PTPN13: variants seen among roughly 807,000 people sequenced by gnomAD.
The protein encoded by PTPN13 is protein tyrosine phosphatase non-receptor type 13, also known as tyrosine-protein phosphatase non-receptor type 13.
PTPN13 carries 191 observed loss-of-function variants against 284.0 expected under a neutral mutation model. The ratio of observed to expected loss-of-function variants is 0.67; its 90% CI spans 0.60 to 0.76. The LOEUF (loss-of-function observed/expected upper bound fraction) is 0.76. PTPN13 is among the 30% of genes least tolerant of loss of function. The probability of loss-of-function intolerance (pLI) is 0.00; values close to 1 mark genes in which losing one functional copy is unlikely to be tolerated. For missense variants in PTPN13, 2,797 were observed against 2,939.9 expected (o/e 0.95, Z 1.12); for synonymous variants, 986 against 1,022.3 (o/e 0.96, Z 0.68).
intron 47 of PTPN13, among the ~76,000 whole-genome samples, chr4:86,814,211 TG>T (rs1745552483): frequency 6.6e-6 from 1 of 151,642 alleles, no homozygotes; most frequent in Non-Finnish European, 1.5e-5. Flanking sequence ...TTCACCATGT[TG>T]GCCAGGATGG....
At chr4:86,772,666 T>C in intron 31 of PTPN13, 112 bp from the exon 32 acceptor site, 1 of 842,320 alleles carries the variant, frequency 1.2e-6, no homozygotes, top group Non-Finnish European at 1.8e-6. Flanking sequence ...AACTAGGATC[T>C]CAATCAAAAT....
intron 1 of PTPN13, among the ~76,000 whole-genome samples, chr4:86,616,252 T>C (rs939678134): frequency 1.5e-4 from 23 of 152,190 alleles, no homozygotes; most frequent in African/African-American, 5.3e-4. Context: ...TAAAGTGTTA[T>C]AAATGTCATG....
intron 7 of PTPN13, among the ~76,000 whole-genome samples, chr4:86,710,250 C>T (rs1002995242): frequency 1.3e-5 from 2 of 152,130 alleles, no homozygotes; most frequent in Non-Finnish European, 2.9e-5. Context: ...ACTACAAAAG[C>T]AGTCATTTTA....
At chr4:86,631,325 A>T (rs2148706121) in intron 1 of PTPN13, among the ~76,000 whole-genome samples, 1 of 151,500 alleles carries the variant, frequency 6.6e-6, no homozygotes, top group African/African-American at 2.4e-5. Context: ...CATTTCTTTC[A>T]TTCCCTTGTT....
At position 86,732,626 on chromosome 4, in the gene PTPN13, A is replaced by G; in HGVS notation, c.1718A>G (p.Lys573Arg). 6.2e-7 allele frequency: 1 copy of G among 1,613,558 alleles called. No individual in the cohort carries two copies. Among genetic ancestry groups the G allele is most frequent in the Non-Finnish European group, 8.5e-7 (1 of 1,179,640 alleles). ...GGGAAGAATGAGGATAACCGAAGGA[A>G]AGTAAACATAATGCTTCTGAACGGG... ...KKGKNEDNRR[K>R]VNIMLLNGQR... is the part of the protein sequence containing the mutation. The change falls in exon 12 of 48, where the codon AAA becomes AGA. Residue 573 changes from lysine to arginine, a missense_variant. Physicochemically the swap from Lys to Arg is conservative, Grantham distance 26. Coordinates refer to ENST00000411767, the MANE Select transcript of PTPN13 (RefSeq NM_080683.3).
chr4:86,631,213 T>C (rs920605662), intron 1 of PTPN13, among the ~76,000 whole-genome samples: 8 of 152,154 alleles, frequency 5.3e-5, no homozygotes, highest in African/African-American at 1.9e-4. Context: ...CAATAGGCTT[T>C]AAAAAATTTT....
chr4:86,732,444 T>G lies in PTPN13; in HGVS notation c.1653T>G (p.Phe551Leu), dbSNP rs1302357048. ...TTGTGAAAATGACAATTGAACCATT[T>G]ATATCTTTGGATTTGCCACGGTCTA... is the stretch of plus-strand genomic sequence containing the variant. ...PEFVKMTIEPFISLDLPRSIL... is the reference protein window; with the variant it reads ...PEFVKMTIEPLISLDLPRSIL... Residue 551 changes from phenylalanine (F) to leucine (L), a missense_variant, in exon 11 of 48, where the codon TTT (phenylalanine) becomes TTG (leucine). Transcript: ENST00000411767. 6.2e-7 allele frequency: 1 copy of G among 1,602,426 alleles called. No individual in the cohort carries two copies. Among genetic ancestry groups the G allele is most frequent in the African/African-American group, 1.3e-5 (1 of 74,798 alleles).
intron 1 of PTPN13, among the ~76,000 whole-genome samples, chr4:86,599,862 A>G (rs1260095457): frequency 1.3e-5 from 2 of 152,106 alleles, no homozygotes; most frequent in Non-Finnish European, 2.9e-5. Context: ...TTTATTACTT[A>G]TATCAGTATG....
rs552135125 is a variant in PTPN13 at position 86,766,568 on chromosome 4, A to G, written c.4329+51A>G. On this transcript the variant is annotated intron_variant, in intron 27 of 47. Coordinates refer to ENST00000411767, the MANE Select transcript of PTPN13 (RefSeq NM_080683.3). ...TACAGTACCTTAGAAGAGCAAAACA[A>G]TGTGTGAATAACATCAGTTCTCATT... 525 of 1,285,340 alleles carry G rather than the reference A, an allele frequency of 4.1e-4. 6 individuals carry two copies. The South Asian group carries it at 6.7e-3, about 16-fold the overall frequency. The allele number at this position is 1,285,340 out of a possible 1,614,324, so 79.6% of individuals were successfully genotyped here. A position where few individuals can be genotyped will look rare whatever the true frequency, so the allele number is the denominator to read the frequency against.
rs1744529371 is a variant in PTPN13, at chr4:86,805,302, G to A, written c.6678G>A (p.Leu2226=). 5.0e-6 allele frequency: 8 copies of A among 1,595,364 alleles called. No homozygotes were observed. The East Asian group carries it at 6.7e-5, about 13-fold the overall frequency. ...AGAATCTTCAAGAATTAAAACCTTT[G>A]GATCAGTGTCTAATTGGGCAAACTA... ...ELENLQELKP[L]DQCLIGQTKE... The change falls in exon 44 of 48, where the codon TTG becomes TTA. Residue 2226 remains leucine, a synonymous_variant. Coordinates refer to ENST00000411767, the MANE Select transcript of PTPN13 (RefSeq NM_080683.3).
intron 2 of PTPN13, among the ~76,000 whole-genome samples, chr4:86,670,241 T>C (rs1727589110): frequency 7.3e-6 from 1 of 136,234 alleles, no homozygotes; most frequent in African/African-American, 2.8e-5. Flanking sequence ...GGCCAGCAAC[T>C]CCCAAAATAT....
Position 86,612,565 on chromosome 4 carries a change from C to T in PTPN13, c.-6+17776C>T, listed in dbSNP as rs536934074. Among the ~76,000 whole-genome samples the T allele has an allele frequency of 5.9e-5, 9 of 152,216 alleles. No individual in the cohort carries two copies. In the East Asian group the frequency reaches 1.7e-3, roughly 29 times the overall value. ...ATTTGATGAAAACTATAAACCCACA[C>T]CTTCGGAATCTCCGTGAACACAAAG... is the stretch of plus-strand genomic sequence containing the variant. On this transcript the variant is annotated intron_variant, in intron 1 of 47. Coordinates refer to ENST00000411767, the MANE Select transcript of PTPN13 (RefSeq NM_080683.3).
intron 30 of PTPN13, 95 bp downstream of exon 30, chr4:86,770,294 T>TG: frequency 1.7e-6 from 2 of 1,175,294 alleles, no homozygotes; most frequent in Admixed American, 2.0e-5. Flanking sequence ...ATTGTTCTCC[T>TG]GGGTTTCATA....
chr4:86,723,601 T>C (rs900063233), intron 10 of PTPN13, among the ~76,000 whole-genome samples: 4 of 152,198 alleles, frequency 2.6e-5, no homozygotes, highest in Admixed American at 1.3e-4. Flanking sequence ...AAATAGTCAA[T>C]TCAAAGGCAG....
chr4:86,745,947 G>C (rs953777319), intron 17 of PTPN13, among the ~76,000 whole-genome samples: 1 of 152,130 alleles, frequency 6.6e-6, no homozygotes, highest in Non-Finnish European at 1.5e-5. Context: ...GGGCTTTAGA[G>C]ATGAGGGAAA....
chr4:86,774,703 A>T (rs73835768), intron 33 of PTPN13, among the ~76,000 whole-genome samples, 172 bp downstream of exon 33: 30 of 110,132 alleles, frequency 2.7e-4, no homozygotes, highest in African/African-American at 7.6e-4. Context: ...AAATTATTTT[A>T]TATATATATA....
intron 5 of PTPN13, among the ~76,000 whole-genome samples, chr4:86,690,977 TGAAA>T (rs1351093921): frequency 7.2e-5 from 11 of 152,194 alleles, no homozygotes; most frequent in African/African-American, 2.6e-4. Flanking sequence ...AATTATAAAA[TGAAA>T]GAAGGCTATA....
chr4:86,673,931 T>G lies in PTPN13; in HGVS notation c.294+1388T>G, dbSNP rs187090075. Among the ~76,000 whole-genome samples the G allele has an allele frequency of 5.7e-3, 866 of 152,304 alleles. 7 individuals carry two copies. Among genetic ancestry groups the G allele is most frequent in the African/African-American group, 0.019 (770 of 41,560 alleles). ...CATGCTGGCTAGGCTGGTCTTGAACTCCTGACCTCAAGTGATCCGCCTGCC... is the reference window on the plus strand; with the variant it reads ...CATGCTGGCTAGGCTGGTCTTGAACGCCTGACCTCAAGTGATCCGCCTGCC... On this transcript the variant is annotated intron_variant, in intron 3 of 47. Coordinates refer to ENST00000411767, the MANE Select transcript of PTPN13 (RefSeq NM_080683.3).
intron 5 of PTPN13, among the ~76,000 whole-genome samples, chr4:86,689,448 C>T (rs1007721221): frequency 2.6e-5 from 4 of 152,146 alleles, no homozygotes; most frequent in Non-Finnish European, 5.9e-5. Context: ...CTGAAAGTGT[C>T]TCCTCTTGTT....
Sources: allele counts gnomAD v4.1 joint callset (sites outside exome capture counted in the v4.1 genomes callset), GRCh38; gene constraint gnomAD v4.1.1; transcripts MANE v1.5; gene names NCBI Gene and HGNC (gene_info 2026-07-23, HGNC 2026-07-21).